The following AFG1L variants were observed in gnomAD, a reference collection of about 807,000 sequenced individuals.
AFG1L encodes AFG1-like ATPase.
AFG1L carries 53 observed loss-of-function variants against 62.2 expected under a neutral mutation model. The observed-to-expected ratio is 0.85, with a 90% CI of 0.68 to 1.07. The LOEUF (loss-of-function observed/expected upper bound fraction) is 1.07. Ranked by LOEUF, AFG1L falls within the 50% of genes least tolerant of loss-of-function variation. The pLI is 0.00. For synonymous variants in AFG1L, 228 were observed against 210.3 expected, an observed-to-expected ratio of 1.08 and a Z score of -0.73; for missense variants, 555 against 590.5, an observed-to-expected ratio of 0.94 and a Z score of 0.62.
At chr6:108,449,614 A>G (rs1771968801) in intron 8 of AFG1L, among the ~76,000 whole-genome samples, 1 of 151,726 alleles carries the variant, frequency 6.6e-6, no homozygotes, top group Non-Finnish European at 1.5e-5. Flanking sequence ...TTTTTTTATT[A>G]TTATACTTTA....
intron 2 of AFG1L, among the ~76,000 whole-genome samples, chr6:108,342,880 T>C (rs999775341): frequency 2.0e-5 from 3 of 152,092 alleles, no homozygotes; most frequent in Admixed American, 1.3e-4. Context: ...TCTTAGACGT[T>C]TGAGGATCTT....
At chr6:108,349,740 A>G (rs1437659232) in intron 3 of AFG1L, among the ~76,000 whole-genome samples, 1 of 151,666 alleles carries the variant, frequency 6.6e-6, no homozygotes, top group African/African-American at 2.4e-5. Context: ...ACTAGGTGAG[A>G]CCCCATCTCT....
intron 6 of AFG1L, among the ~76,000 whole-genome samples, chr6:108,396,135 T>A (rs990186806): frequency 6.6e-6 from 1 of 152,024 alleles, no homozygotes; most frequent in Non-Finnish European, 1.5e-5. Context: ...CGACTTGGCC[T>A]CTCAAAGTGC....
At chr6:108,306,607 C>A (rs1218609999) in intron 1 of AFG1L, among the ~76,000 whole-genome samples, 3 of 152,170 alleles carry the variant, frequency 2.0e-5, no homozygotes, top group African/African-American at 7.2e-5. Context: ...TTCTCCCATT[C>A]ATTCATTCAT....
At chr6:108,417,287 CAA>C (rs58714925) in intron 7 of AFG1L, among the ~76,000 whole-genome samples, 23,598 of 81,570 alleles carry the variant, frequency 0.29, 2,343 homozygotes, top group Admixed American at 0.42. Flanking sequence ...CACACACACA[CAA>C]AAAAAAAACG....
intron 7 of AFG1L, among the ~76,000 whole-genome samples, chr6:108,421,459 G>A (rs1424134117): frequency 2.0e-5 from 3 of 152,128 alleles, no homozygotes; most frequent in Non-Finnish European, 4.4e-5. Context: ...TAATTAGCGT[G>A]TATGAATCGT....
intron 7 of AFG1L, among the ~76,000 whole-genome samples, chr6:108,445,599 A>T (rs1771738727): frequency 6.7e-6 from 1 of 149,762 alleles, no homozygotes; most frequent in African/African-American, 2.5e-5. Flanking sequence ...TAATTTCAAT[A>T]TTCTTGTTTC....
intron 10 of AFG1L, among the ~76,000 whole-genome samples, chr6:108,499,164 G>A (rs545649340): frequency 1.3e-4 from 20 of 149,936 alleles, no homozygotes; most frequent in African/African-American, 4.4e-4. Flanking sequence ...TGCCTCCTGC[G>A]TTCAAGCCAT....
intron 4 of AFG1L, among the ~76,000 whole-genome samples, chr6:108,356,487 A>G (rs1191916200): frequency 1.3e-5 from 2 of 152,234 alleles, no homozygotes. Flanking sequence ...TTTCCTTACA[A>G]CTATAAGAAC....
intron 6 of AFG1L, among the ~76,000 whole-genome samples, chr6:108,381,779 G>C (rs1476404142): frequency 2.6e-5 from 4 of 152,134 alleles, no homozygotes; most frequent in African/African-American, 9.7e-5. Flanking sequence ...AGACTAGTAG[G>C]TTAAATTAGT....
chr6:108,513,454 C>T, intron 11 of AFG1L, among the ~76,000 whole-genome samples: 1 of 152,224 alleles, frequency 6.6e-6, no homozygotes, highest in East Asian at 1.9e-4. Context: ...AAACGGCACA[C>T]CAGGAGATTA....
chr6:108,351,520 G>C (rs904856129), intron 3 of AFG1L, among the ~76,000 whole-genome samples: 7 of 152,130 alleles, frequency 4.6e-5, no homozygotes, highest in African/African-American at 1.7e-4. Context: ...TGCCAATAAA[G>C]ATAATTTTAC....
chr6:108,311,514 TG>T (rs1435215733), intron 1 of AFG1L, among the ~76,000 whole-genome samples: 1 of 152,148 alleles, frequency 6.6e-6, no homozygotes, highest in East Asian at 1.9e-4. Flanking sequence ...TTTTTTTGCT[TG>T]TTTGTTTTGT....
At chr6:108,407,388 A>G (rs116354901) in intron 7 of AFG1L, among the ~76,000 whole-genome samples, 165 of 152,242 alleles carry the variant, frequency 1.1e-3, no homozygotes, top group African/African-American at 4.0e-3. Context: ...TCTGGGATAT[A>G]TGAGTCAAAG....
chr6:108,334,327 T>C (rs1362087674), intron 2 of AFG1L, among the ~76,000 whole-genome samples: 7 of 151,804 alleles, frequency 4.6e-5, no homozygotes, highest in African/African-American at 1.7e-4. Context: ...TTTTTTTTCA[T>C]TTTGAAAAAA....
chr6:108,407,029 T>C (rs970035055), intron 7 of AFG1L, among the ~76,000 whole-genome samples: 10 of 152,210 alleles, frequency 6.6e-5, no homozygotes, highest in African/African-American at 1.9e-4. Context: ...TCCACTGATA[T>C]CATTGTGGGA....
intron 10 of AFG1L, among the ~76,000 whole-genome samples, chr6:108,506,536 G>A (rs1044728441): frequency 4.7e-4 from 72 of 151,604 alleles, no homozygotes; most frequent in African/African-American, 1.6e-3. Context: ...ATTATCTCCA[G>A]ATTATTTATA....
chr6:108,356,934 T>G, intron 5 of AFG1L, 114 bp downstream of exon 5: 5 of 903,108 alleles, frequency 5.5e-6, no homozygotes, highest in Non-Finnish European at 6.6e-6. Context: ...ACATTATCTC[T>G]TACTGCTTCA....
chr6:108,520,824 G>C (rs995923509), intron 12 of AFG1L: 8 of 153,116 alleles, frequency 5.2e-5, no homozygotes, highest in African/African-American at 1.9e-4. Context: ...CAGGGTGCCA[G>C]ATTTGGCATC....
Sources: allele counts gnomAD v4.1 joint callset (sites outside exome capture counted in the v4.1 genomes callset), GRCh38; gene constraint gnomAD v4.1.1; transcripts MANE v1.5; gene names NCBI Gene and HGNC (gene_info 2026-07-23, HGNC 2026-07-21).